The following LRRC4C variants were observed in gnomAD, a reference collection of about 807,000 sequenced individuals.
LRRC4C encodes leucine-rich repeat-containing protein 4C.
LRRC4C carries 5 observed loss-of-function variants against 33.6 expected under a neutral mutation model. The observed-to-expected ratio is 0.15, with a 90% CI of 0.08 to 0.31. The LOEUF (loss-of-function observed/expected upper bound fraction) is 0.31, where lower values mean the gene tolerates loss of function less well. LRRC4C is among the 10% of genes least tolerant of loss of function. LRRC4C has a pLI of 1.00. For missense variants in LRRC4C, 560 were observed against 796.7 expected (o/e 0.70, Z 3.58); for synonymous variants, 329 against 302.0 (o/e 1.09, Z -0.93).
intron 4 of LRRC4C, among the ~76,000 whole-genome samples, chr11:40,303,800 C>T (rs1035530932): frequency 3.3e-5 from 5 of 152,102 alleles, no homozygotes; most frequent in African/African-American, 1.2e-4. Context: ...AGACTTATAG[C>T]CTTTGAGAGA....
intron 1 of LRRC4C, among the ~76,000 whole-genome samples, chr11:41,160,268 CTGAGA>C (rs2136020040): frequency 6.6e-6 from 1 of 151,542 alleles, no homozygotes; most frequent in South Asian, 2.1e-4. Context: ...ACCAGGGAGA[CTGAGA>C]TAAGAAAATG....
chr11:41,397,701 T>A (rs1953873585), intron 1 of LRRC4C, among the ~76,000 whole-genome samples: 1 of 151,664 alleles, frequency 6.6e-6, no homozygotes, highest in Non-Finnish European at 1.5e-5. Context: ...GATATTTATC[T>A]AATTACTTAA....
At chr11:40,283,107 A>C (rs1279605057) in intron 4 of LRRC4C, among the ~76,000 whole-genome samples, 1 of 152,258 alleles carries the variant, frequency 6.6e-6, no homozygotes, top group Non-Finnish European at 1.5e-5. Context: ...TGACCAGCAG[A>C]CTTCACGAAC....
chr11:40,725,801 T>G (rs1947264506), intron 2 of LRRC4C, among the ~76,000 whole-genome samples: 1 of 152,164 alleles, frequency 6.6e-6, no homozygotes, highest in African/African-American at 2.4e-5. Context: ...TTCAGAAACC[T>G]AGCATCAGCA....
chr11:40,772,797 C>A (rs1203225657), intron 2 of LRRC4C, among the ~76,000 whole-genome samples: 1 of 152,038 alleles, frequency 6.6e-6, no homozygotes, highest in African/African-American at 2.4e-5. Context: ...TATGGAGTGT[C>A]CTCAAAAATC....
rs138181039 is a variant in LRRC4C at position 40,126,199 on chromosome 11, A to G, written c.-42-9865T>C. ...AAAACCCACCTGACTCTGCATTTTC[A>G]TTCTTCTAGAAGACTTATTTGGCTT... On this transcript the variant is annotated intron_variant, in intron 6 of 6. Transcript: ENST00000528697. Among the ~76,000 whole-genome samples, 937 of 149,964 alleles carry G rather than the reference A, an allele frequency of 6.2e-3. 7 individuals carry two copies. Among genetic ancestry groups the G allele is most frequent in the Non-Finnish European group, 8.7e-3 (586 of 67,628 alleles).
chr11:41,140,957 T>C (rs1943477063), intron 1 of LRRC4C, among the ~76,000 whole-genome samples: 1 of 152,188 alleles, frequency 6.6e-6, no homozygotes, highest in Non-Finnish European at 1.5e-5. Context: ...AGAAAAATCC[T>C]GGAAATAATA....
intron 2 of LRRC4C, among the ~76,000 whole-genome samples, chr11:40,739,240 C>T (rs770655841): frequency 2.6e-4 from 39 of 151,982 alleles, no homozygotes; most frequent in Non-Finnish European, 4.9e-4. Context: ...TCCTAGCAAC[C>T]TCCATTCTAC....
chr11:40,678,475 T>C (rs1305914707), intron 2 of LRRC4C, among the ~76,000 whole-genome samples: 1 of 152,172 alleles, frequency 6.6e-6, no homozygotes, highest in Non-Finnish European at 1.5e-5. Flanking sequence ...TTCTATATTA[T>C]TTTATTCTAA....
chr11:40,211,797 T>A (rs79836181), intron 5 of LRRC4C, among the ~76,000 whole-genome samples: 6,429 of 152,264 alleles, frequency 0.042, 203 homozygotes, highest in Middle Eastern at 0.085. Context: ...ATAATGTGAT[T>A]TCTCCATTTT....
At chr11:41,323,572 T>C (rs1047955194) in intron 1 of LRRC4C, among the ~76,000 whole-genome samples, 6 of 152,184 alleles carry the variant, frequency 3.9e-5, no homozygotes, top group Non-Finnish European at 5.9e-5. Flanking sequence ...CAAAATCCAC[T>C]TACAGGAAAA....
Position 41,264,467 on chromosome 11 carries a change from T to C in LRRC4C, c.-496+194964A>G, listed in dbSNP as rs919735043. Among the ~76,000 whole-genome samples the C allele has an allele frequency of 9.2e-5, 14 of 152,138 alleles. 1 individual carries two copies. The highest frequency in any genetic ancestry group is 3.4e-4 in the African/African-American group (14 of 41,446). ...GGTGTCAAATGGCTCAAACTGTTGA[T>C]ACATAAAAGGAGTATATATGGCAAT... On this transcript the variant is annotated intron_variant, in intron 1 of 6. Coordinates refer to ENST00000528697, the MANE Select transcript of LRRC4C (RefSeq NM_001258419.2).
intron 2 of LRRC4C, among the ~76,000 whole-genome samples, chr11:40,905,283 GA>G (rs1439258587): frequency 6.6e-6 from 1 of 151,936 alleles, no homozygotes; most frequent in African/African-American, 2.4e-5. Context: ...AATAAAAAGA[GA>G]AATAGCTCTT....
chr11:41,073,828 C>T (rs1037405112), intron 1 of LRRC4C, among the ~76,000 whole-genome samples: 1 of 152,146 alleles, frequency 6.6e-6, no homozygotes, highest in Non-Finnish European at 1.5e-5. Flanking sequence ...CTTGTTTCCT[C>T]AGTGCTACAT....
chr11:40,195,005 T>C (rs977384675), intron 5 of LRRC4C, among the ~76,000 whole-genome samples: 1 of 150,878 alleles, frequency 6.6e-6, no homozygotes, highest in Admixed American at 6.6e-5. Context: ...GTAGGAGAAT[T>C]GCGTGAACCC....
At chr11:40,503,462 T>C (rs1298297467) in intron 3 of LRRC4C, among the ~76,000 whole-genome samples, 2 of 152,196 alleles carry the variant, frequency 1.3e-5, no homozygotes, top group Non-Finnish European at 2.9e-5. Flanking sequence ...ACCAATTTGC[T>C]GAAAATGCTA....
At chr11:41,187,862 G>A (rs1945766684) in intron 1 of LRRC4C, among the ~76,000 whole-genome samples, 1 of 152,190 alleles carries the variant, frequency 6.6e-6, no homozygotes, top group Non-Finnish European at 1.5e-5. Context: ...AAAGAAGTAA[G>A]CCACATACCA....
intron 1 of LRRC4C, among the ~76,000 whole-genome samples, chr11:41,122,013 A>T (rs1366699850): frequency 1.3e-5 from 2 of 152,184 alleles, no homozygotes; most frequent in Non-Finnish European, 2.9e-5. Context: ...ATAAAGAAAA[A>T]TGTAGAATAA....
At chr11:41,142,839 T>C (rs545572441) in intron 1 of LRRC4C, among the ~76,000 whole-genome samples, 9 of 152,318 alleles carry the variant, frequency 5.9e-5, no homozygotes, top group Non-Finnish European at 1.3e-4. Flanking sequence ...GCTACTATGG[T>C]AATTACTTAC....
Sources: allele counts gnomAD v4.1 joint callset (sites outside exome capture counted in the v4.1 genomes callset), GRCh38; gene constraint gnomAD v4.1.1; transcripts MANE v1.5; gene names NCBI Gene and HGNC (gene_info 2026-07-23, HGNC 2026-07-21).